Variants in ATP10B observed in about 807,000 individuals in gnomAD.
ATP10B encodes ATPase phospholipid transporting 10B (putative).
A neutral mutation model predicts 141.2 loss-of-function variants in ATP10B; 122 were observed. That is an observed-to-expected ratio of 0.86 (90% CI 0.75 to 1.00). The LOEUF (loss-of-function observed/expected upper bound fraction) is 1.00. Ranked by LOEUF, ATP10B falls within the 50% of genes least tolerant of loss-of-function variation. The pLI, the probability that ATP10B is intolerant of heterozygous loss-of-function variation, is 0.00. For synonymous variants in ATP10B, 685 were observed against 692.0 expected (o/e 0.99, Z 0.16); for missense variants, 1,876 against 1,825.3 (o/e 1.03, Z -0.51).
chr5:160,718,797 A>T (rs577495352), intron 2 of ATP10B, among the ~76,000 whole-genome samples: 1 of 152,270 alleles, frequency 6.6e-6, no homozygotes, highest in Non-Finnish European at 1.5e-5. Flanking sequence ...ACCTTTCATC[A>T]GACCCCACCT....
At chr5:160,720,419 G>C (rs542522472) in intron 2 of ATP10B, among the ~76,000 whole-genome samples, 1 of 152,200 alleles carries the variant, frequency 6.6e-6, no homozygotes, top group Admixed American at 6.5e-5. Context: ...TTCTTTCCTG[G>C]GAAATATGTC....
At chr5:160,755,940 G>T (rs1768570236) in intron 2 of ATP10B, among the ~76,000 whole-genome samples, 1 of 144,752 alleles carries the variant, frequency 6.9e-6, no homozygotes, top group South Asian at 2.2e-4. Context: ...GTCATTAGGA[G>T]GTGCATGACT....
At chr5:160,913,199 G>C in the ATP10B span, among the ~76,000 whole-genome samples, 1 of 152,184 alleles carries the variant, frequency 6.6e-6, no homozygotes, top group Non-Finnish European at 1.5e-5. Context: ...TTCCAATTCT[G>C]GTCCCAGCTC....
chr5:160,747,380 C>A (rs9968732), intron 2 of ATP10B, among the ~76,000 whole-genome samples: 1 of 152,026 alleles, frequency 6.6e-6, no homozygotes, highest in African/African-American at 2.4e-5. Context: ...GAATCCTGTC[C>A]CACCAAAAAA....
At chr5:160,877,605 G>T in the ATP10B span, among the ~76,000 whole-genome samples, 3 of 150,680 alleles carry the variant, frequency 2.0e-5, no homozygotes, top group Non-Finnish European at 3.0e-5. Flanking sequence ...GTCCCTGTTT[G>T]CAGATGACAT....
At position 160,789,153 on chromosome 5, in the gene ATP10B, T is replaced by C. The variant is rs990548134; in HGVS notation, c.-575-3350A>G. On this transcript the variant is annotated intron_variant, in intron 1 of 25. Coordinates refer to ENST00000327245, the MANE Select transcript of ATP10B (RefSeq NM_025153.3). ...ATGAAATGCTGGTGAGACAGGCCAA[T>C]TGATTCAAGTAGAGGCATGTAGGCT... Among the ~76,000 whole-genome samples, 6 of 152,252 alleles carry C rather than the reference T, an allele frequency of 3.9e-5. 1 individual carries two copies. The South Asian group carries it at 1.0e-3, about 26-fold the overall frequency.
chr5:160,664,321 A>G (rs1008898909), intron 7 of ATP10B, among the ~76,000 whole-genome samples: 3 of 152,202 alleles, frequency 2.0e-5, no homozygotes, highest in African/African-American at 4.8e-5. Context: ...ATTTCTCCCT[A>G]TTGGATCTCA....
chr5:160,833,592 G>GT, intron 1 of ATP10B, among the ~76,000 whole-genome samples: 1 of 152,244 alleles, frequency 6.6e-6, no homozygotes, highest in South Asian at 2.1e-4. Flanking sequence ...TCATAATCAA[G>GT]TGAAAAAATA....
intron 15 of ATP10B, among the ~76,000 whole-genome samples, chr5:160,620,134 T>C (rs1210323956): frequency 1.3e-5 from 2 of 152,234 alleles, no homozygotes; most frequent in African/African-American, 2.4e-5. Context: ...AGTCTTTAAA[T>C]ATGCTAATGG....
chr5:160,689,825 T>C (rs989485312), intron 3 of ATP10B, among the ~76,000 whole-genome samples: 4 of 152,166 alleles, frequency 2.6e-5, no homozygotes, highest in Non-Finnish European at 5.9e-5. Context: ...CAAGCTACCA[T>C]TGACTTTCTT....
chr5:160,748,561 G>C (rs1476063167), intron 2 of ATP10B, among the ~76,000 whole-genome samples: 1 of 152,210 alleles, frequency 6.6e-6, no homozygotes, highest in Admixed American at 6.5e-5. Context: ...CCTGCAGAGA[G>C]GGCTGCCCAC....
At chr5:160,597,892 C>T (rs1218131082) in intron 22 of ATP10B, among the ~76,000 whole-genome samples, 59 of 151,718 alleles carry the variant, frequency 3.9e-4, no homozygotes, top group Non-Finnish European at 5.9e-4. Context: ...AGTCAGGAAA[C>T]AACAGATGCT....
intron 1 of ATP10B, among the ~76,000 whole-genome samples, chr5:160,800,523 C>T (rs923309132): frequency 3.3e-5 from 5 of 152,140 alleles, no homozygotes; most frequent in Admixed American, 1.3e-4. Context: ...GATCCATTAA[C>T]GTTAGCCATT....
chr5:160,774,138 C>T (rs751084453), intron 2 of ATP10B, among the ~76,000 whole-genome samples: 19 of 151,854 alleles, frequency 1.3e-4, no homozygotes, highest in Admixed American at 7.9e-4. Context: ...TCATTAGAAG[C>T]GTTTCCAGTG....
chr5:160,853,498 T>G (rs1466214302), upstream of ATP10B, among the ~76,000 whole-genome samples: 1 of 152,190 alleles, frequency 6.6e-6, no homozygotes, highest in African/African-American at 2.4e-5. Context: ...ATTGTCTTTC[T>G]CCTAAGACTA....
chr5:160,741,910 G>A (rs901881880), intron 2 of ATP10B, among the ~76,000 whole-genome samples: 1 of 152,144 alleles, frequency 6.6e-6, no homozygotes, highest in Non-Finnish European at 1.5e-5. Context: ...GGAGCACTTA[G>A]TAAGTGCCAG....
chr5:160,873,874 G>A, the ATP10B span, among the ~76,000 whole-genome samples: 39 of 152,296 alleles, frequency 2.6e-4, no homozygotes, highest in African/African-American at 3.8e-4. Context: ...CACCTGGCTC[G>A]GAGGGTCCTA....
chr5:160,916,886 C>T, the ATP10B span, among the ~76,000 whole-genome samples: 6 of 152,226 alleles, frequency 3.9e-5, no homozygotes, highest in East Asian at 1.2e-3. Context: ...ATTCTCTTTC[C>T]ATCTACAGTG....
At chr5:160,636,069 TC>T in intron 11 of ATP10B, 112 bp downstream of exon 11, 1 of 1,238,474 alleles carries the variant, frequency 8.1e-7, no homozygotes. Context: ...TCTCCTCATC[TC>T]AATCCAGTTT....
Sources: gnomAD v4.1 joint callset for allele counts (sites outside exome capture counted in the v4.1 genomes callset) on GRCh38, gnomAD v4.1.1 for gene constraint, MANE v1.5 for transcripts, NCBI Gene and HGNC (gene_info 2026-07-23, HGNC 2026-07-21) for gene names.